Variants in DOCK2 observed in about 807,000 individuals in gnomAD.
DOCK2 encodes dedicator of cytokinesis protein 2.
In DOCK2, 87 loss-of-function variants were observed where a neutral mutation model predicts 248.9. That is an observed-to-expected ratio of 0.35 (90% CI 0.29 to 0.42). DOCK2 has a LOEUF of 0.42. Among genes scored for constraint, DOCK2 ranks in the 10% least tolerant of loss-of-function variants. The pLI is 1.00. For missense variants in DOCK2, 1,747 were observed against 2,300.2 expected (o/e 0.76, Z 4.92); for synonymous variants, 805 against 821.6 (o/e 0.98, Z 0.35).
chr5:169,894,692 C>T (rs920397385), intron 27 of DOCK2, among the ~76,000 whole-genome samples: 11 of 152,128 alleles, frequency 7.2e-5, no homozygotes, highest in African/African-American at 2.4e-4. Context: ...GAGTAAACAG[C>T]GTGCCCAGCA....
intron 34 of DOCK2, among the ~76,000 whole-genome samples, chr5:170,032,277 C>G (rs577879253): frequency 4.6e-5 from 7 of 152,108 alleles, no homozygotes; most frequent in Admixed American, 1.3e-4. Context: ...CTGCCCACCT[C>G]GGCCTCCCAA....
rs753893848 is a variant in DOCK2, at chr5:169,681,800, A to G, written c.527A>G (p.Asp176Gly). ...GAAGACGGAAATATCTTGGACCCTG[A>G]TAATACCAGTGTCATCAGCTTGTTC... is the stretch of plus-strand genomic sequence containing the variant. ...RDEDGNILDPDNTSVISLFHA... is the reference protein window; with the variant it reads ...RDEDGNILDPGNTSVISLFHA... Residue 176 changes from aspartate to glycine, a missense_variant, in exon 7 of 52, where the codon GAT becomes GGT. Around this residue, in one of 4 missense-constraint regions of DOCK2, gnomAD observed 375 missense variants for 510.9 expected, o/e 0.73. Transcript: ENST00000520908. 7 of 1,613,784 alleles carry G rather than the reference A, an allele frequency of 4.3e-6. No homozygotes were observed. The East Asian group carries it at 1.1e-4, about 26-fold the overall frequency.
chr5:169,689,197 C>G, intron 8 of DOCK2, 55 bp from the exon 9 acceptor site: 1 of 1,569,240 alleles, frequency 6.4e-7, no homozygotes, highest in Non-Finnish European at 8.8e-7. Flanking sequence ...AATGTTTTGA[C>G]TAAATGGATG....
intron 27 of DOCK2, among the ~76,000 whole-genome samples, chr5:169,941,706 GCTGA>G (rs1165558573): frequency 6.6e-6 from 1 of 152,188 alleles, no homozygotes; most frequent in Non-Finnish European, 1.5e-5. Flanking sequence ...AAAAGATCAC[GCTGA>G]CTGTTATGTG....
rs191310803 is a variant in DOCK2 at position 169,827,560 on chromosome 5, G to T, written c.2704-13197G>T. On this transcript the variant is annotated intron_variant, in intron 26 of 51. Transcript: ENST00000520908. ...TCACCAGCTTGTTGGGGAAGGATCA[G>T]GGCTATGGATTAAAGGTGGGGGCAC... Among the ~76,000 whole-genome samples the T allele has an allele frequency of 3.6e-3, 549 of 152,318 alleles. 1 individual carries two copies. The highest frequency in any genetic ancestry group is 6.5e-3 in the Non-Finnish European group (439 of 68,030).
At chr5:170,016,379 T>C (rs1320564441) in intron 32 of DOCK2, among the ~76,000 whole-genome samples, 1 of 152,262 alleles carries the variant, frequency 6.6e-6, no homozygotes, top group Non-Finnish European at 1.5e-5. Context: ...TCTGCGTGCA[T>C]GTGTATGCAT....
chr5:169,664,965 T>A (rs1255464038), intron 2 of DOCK2, among the ~76,000 whole-genome samples: 2 of 147,776 alleles, frequency 1.4e-5, no homozygotes, highest in Non-Finnish European at 3.0e-5. Flanking sequence ...TGTTTATATA[T>A]AAATATCAGC....
intron 44 of DOCK2, among the ~76,000 whole-genome samples, chr5:170,067,262 A>G (rs1358980126): frequency 1.3e-5 from 2 of 151,480 alleles, no homozygotes; most frequent in Non-Finnish European, 2.9e-5. Context: ...CACACTCAGC[A>G]GGTACCTGAC....
chr5:169,850,453 T>C (rs1770563305), intron 27 of DOCK2, among the ~76,000 whole-genome samples: 1 of 152,128 alleles, frequency 6.6e-6, no homozygotes, highest in Non-Finnish European at 1.5e-5. Flanking sequence ...TGTGCAAGGG[T>C]ATGTTTGTGT....
At chr5:169,645,992 G>A (rs112898892) in intron 1 of DOCK2, among the ~76,000 whole-genome samples, 85 of 152,134 alleles carry the variant, frequency 5.6e-4, no homozygotes, top group East Asian at 9.7e-4. Flanking sequence ...CTCATGATCC[G>A]CCCATCTCAG....
intron 25 of DOCK2, among the ~76,000 whole-genome samples, chr5:169,782,133 G>T (rs261581): frequency 1.3e-5 from 2 of 151,968 alleles, no homozygotes; most frequent in Non-Finnish European, 2.9e-5. Context: ...TATTTCAGGG[G>T]ACTACAGCGA....
intron 27 of DOCK2, among the ~76,000 whole-genome samples, chr5:169,914,399 C>T (rs1227553635): frequency 6.6e-6 from 1 of 152,204 alleles, no homozygotes; most frequent in Non-Finnish European, 1.5e-5. Context: ...TACTCTGAGC[C>T]AGGAACTGCT....
Position 169,858,854 on chromosome 5 carries a change from TA to T in DOCK2, c.2799+18010del, listed in dbSNP as rs749437593. ...CAGTCTTTACAGAAAATAATTATTT[TA>T]AAAAAAACATTAGTGGGTTGTGGTG... On this transcript the variant is annotated intron_variant, in intron 27 of 51. Transcript: ENST00000520908. 4.0e-5 allele frequency among the ~76,000 whole-genome samples: 6 copies of T among 151,628 alleles called. No homozygotes were observed. The East Asian group carries it at 9.7e-4, about 25-fold the overall frequency.
chr5:169,895,397 A>G (rs553293575), intron 27 of DOCK2, among the ~76,000 whole-genome samples: 1 of 152,194 alleles, frequency 6.6e-6, no homozygotes, highest in Admixed American at 6.5e-5. Context: ...AGACTAGGAA[A>G]GGCACTGAGC....
At chr5:169,829,962 T>C (rs1291689372) in intron 26 of DOCK2, among the ~76,000 whole-genome samples, 1 of 152,246 alleles carries the variant, frequency 6.6e-6, no homozygotes, top group Non-Finnish European at 1.5e-5. Context: ...GCAAGACATA[T>C]CTGCTATCTC....
intron 23 of DOCK2, among the ~76,000 whole-genome samples, chr5:169,755,818 A>C (rs983156261): frequency 6.6e-6 from 1 of 152,228 alleles, no homozygotes; most frequent in Non-Finnish European, 1.5e-5. Context: ...GAAACATGTA[A>C]CATATGGAGT....
At chr5:170,058,299 C>T (rs1174549524) in intron 44 of DOCK2, among the ~76,000 whole-genome samples, 2 of 152,094 alleles carry the variant, frequency 1.3e-5, no homozygotes, top group African/African-American at 2.4e-5. Context: ...TTCATTCATT[C>T]AGAAAATACT....
intron 41 of DOCK2, among the ~76,000 whole-genome samples, chr5:170,054,598 C>T (rs961617741): frequency 6.6e-5 from 10 of 152,240 alleles, no homozygotes; most frequent in African/African-American, 2.4e-4. Context: ...TTCAAATTTT[C>T]AGAGTTGGGG....
chr5:170,067,161 C>T lies in DOCK2; in HGVS notation c.4468-349C>T, dbSNP rs1453301436. Reference sequence around the variant, plus strand: ...CTGCTCTAATCTCTCTGGCCAATAACTCACACATAGTATCTGCCCAACCAA... The same window carrying T: ...CTGCTCTAATCTCTCTGGCCAATAATTCACACATAGTATCTGCCCAACCAA... On this transcript the variant is annotated intron_variant, in intron 44 of 51. Coordinates refer to ENST00000520908, the MANE Select transcript of DOCK2 (RefSeq NM_004946.3). Among the ~76,000 whole-genome samples the T allele has an allele frequency of 2.6e-5, 4 of 152,198 alleles. No individual in the cohort carries two copies. In the East Asian group the frequency reaches 7.7e-4, roughly 29 times the overall value.
Sources: gnomAD v4.1 joint callset for allele counts (sites outside exome capture counted in the v4.1 genomes callset) on GRCh38, gnomAD v4.1.1 for gene constraint, gnomAD v4.1.1 regional missense constraint, MANE v1.5 for transcripts, NCBI Gene and HGNC (gene_info 2026-07-23, HGNC 2026-07-21) for gene names.